DNAH12: variants seen among roughly 807,000 people sequenced by gnomAD.
The protein encoded by DNAH12 is dynein axonemal heavy chain 12.
DNAH12 carries 285 observed loss-of-function variants against 371.5 expected under a neutral mutation model. That is an observed-to-expected ratio of 0.77 (90% confidence interval 0.70 to 0.85). The LOEUF (loss-of-function observed/expected upper bound fraction) is 0.85. Among genes scored for constraint, DNAH12 ranks in the 40% least tolerant of loss-of-function variants. The probability of loss-of-function intolerance (pLI) is 0.00; values close to 1 mark genes in which losing one functional copy is unlikely to be tolerated. For synonymous variants in DNAH12, 1,200 were observed against 1,213.0 expected (o/e 0.99, Z 0.22); for missense variants, 3,611 against 3,689.4 (o/e 0.98, Z 0.55).
intron 69 of DNAH12, among the ~76,000 whole-genome samples, chr3:57,304,073 GC>G (rs1251946920): frequency 3.0e-5 from 3 of 100,530 alleles, no homozygotes; most frequent in Non-Finnish European, 6.0e-5. Context: ...ACTCCTGCCC[GC>G]CAGAGAACAA....
chr3:57,324,024 G>A (rs1309575296), intron 62 of DNAH12, among the ~76,000 whole-genome samples: 4 of 152,170 alleles, frequency 2.6e-5, no homozygotes, highest in African/African-American at 7.2e-5. Flanking sequence ...GATACAAGTA[G>A]AAATTACTTA....
chr3:57,333,328 A>ATTTTTTTTTTTTTTTTTT (rs2062147484), intron 62 of DNAH12, among the ~76,000 whole-genome samples: 1 of 97,768 alleles, frequency 1.0e-5, no homozygotes, highest in African/African-American at 5.5e-5. Flanking sequence ...TTTTAAGGCA[A>ATTTTTTTTTTTTTTTTTT]CTTTTTTTTT....
chr3:57,462,023 C>T (rs1020557536), intron 18 of DNAH12, among the ~76,000 whole-genome samples: 14 of 152,102 alleles, frequency 9.2e-5, no homozygotes, highest in Admixed American at 5.9e-4. Context: ...TTTCTGTGTA[C>T]TTCAAGAACC....
intron 62 of DNAH12, among the ~76,000 whole-genome samples, chr3:57,332,886 G>T (rs552615344): frequency 6.6e-6 from 1 of 152,122 alleles, no homozygotes; most frequent in African/African-American, 2.4e-5. Flanking sequence ...GGCCCCAGAC[G>T]GGTGGCACTT....
chr3:57,508,321 C>T (rs1041851992), intron 7 of DNAH12, 61 bp downstream of exon 7: 25 of 1,386,276 alleles, frequency 1.8e-5, no homozygotes, highest in Admixed American at 5.7e-5. Context: ...AAAAATTATA[C>T]AGTCAAAAAT....
Position 57,415,448 on chromosome 3 carries a change from C to G in DNAH12, c.5831G>C (p.Arg1944Pro), listed in dbSNP as rs373853344. ...AACCTGAACCTGATTGGCGCTGGTC[C>G]GTGCAGATAAGTTAATATAAAAAGG... ...YFPFYINLSA[R>P]TSANQVQNII... Residue 1944 changes from arginine to proline, a missense_variant, in exon 38 of 74, where the codon CGG (arginine) becomes CCG (proline). Physicochemically the swap from Arg to Pro is moderately radical, Grantham distance 103. Around this residue, in one of 3 missense-constraint regions of DNAH12, gnomAD observed 2,266 missense variants for 2,236.9 expected, o/e 1.01. Transcript: ENST00000495027. 2.1e-5 allele frequency: 33 copies of G among 1,549,826 alleles called. No homozygotes were observed. Among genetic ancestry groups the G allele is most frequent in the Non-Finnish European group, 2.6e-5 (30 of 1,146,652 alleles).
At chr3:57,373,417 G>A in intron 55 of DNAH12, among the ~76,000 whole-genome samples, 1 of 151,294 alleles carries the variant, frequency 6.6e-6, no homozygotes, top group East Asian at 1.9e-4. Context: ...CCAGGTTCAA[G>A]TGATTCTCCT....
chr3:57,540,082 C>T (rs897008014), intron 2 of DNAH12, among the ~76,000 whole-genome samples: 6 of 150,898 alleles, frequency 4.0e-5, no homozygotes, highest in African/African-American at 1.5e-4. Flanking sequence ...GATGGAGTCT[C>T]GCTCTGTTGC....
chr3:57,400,474 C>T (rs930721125), intron 43 of DNAH12, among the ~76,000 whole-genome samples: 12 of 152,258 alleles, frequency 7.9e-5, no homozygotes, highest in African/African-American at 2.9e-4. Context: ...GGGATACATT[C>T]CAAGACCCCC....
At chr3:57,367,236 A>G (rs1460378679) in intron 56 of DNAH12, among the ~76,000 whole-genome samples, 1 of 152,218 alleles carries the variant, frequency 6.6e-6, no homozygotes, top group Non-Finnish European at 1.5e-5. Flanking sequence ...TTGGAGGCTA[A>G]GGAACAAGAA....
intron 45 of DNAH12, among the ~76,000 whole-genome samples, chr3:57,391,506 A>G (rs1275475740): frequency 1.3e-5 from 2 of 152,188 alleles, no homozygotes; most frequent in African/African-American, 4.8e-5. Flanking sequence ...CCAATTCCTC[A>G]TAATAAATTT....
At chr3:57,389,203 TC>T (rs2063558450) in intron 45 of DNAH12, among the ~76,000 whole-genome samples, 1 of 148,806 alleles carries the variant, frequency 6.7e-6, no homozygotes, top group Non-Finnish European at 1.5e-5. Flanking sequence ...TTACTCTCTG[TC>T]CCCTCCATTA....
chr3:57,345,355 C>T (rs1397873116), intron 60 of DNAH12, among the ~76,000 whole-genome samples: 2 of 152,006 alleles, frequency 1.3e-5, no homozygotes, highest in East Asian at 1.9e-4. Flanking sequence ...CAAAAATTCT[C>T]GACAAAATAT....
chr3:57,298,349 G>A (rs1170706643), intron 70 of DNAH12, among the ~76,000 whole-genome samples: 1 of 152,220 alleles, frequency 6.6e-6, no homozygotes, highest in African/African-American at 2.4e-5. Context: ...TCAAAGTTGG[G>A]TGGATGTGAG....
intron 44 of DNAH12, among the ~76,000 whole-genome samples, chr3:57,393,095 A>G (rs996737674): frequency 2.6e-5 from 4 of 152,208 alleles, no homozygotes; most frequent in African/African-American, 4.8e-5. Context: ...CTGACACTAC[A>G]TAAGTGCTTT....
chr3:57,496,939 AGCCTAG>A (rs2067342982), intron 11 of DNAH12, among the ~76,000 whole-genome samples: 1 of 152,146 alleles, frequency 6.6e-6, no homozygotes, highest in Admixed American at 6.5e-5. Flanking sequence ...ATTGCACTAC[AGCCTAG>A]GCAACAAGAG....
chr3:57,430,175 ACT>A (rs1032336475), intron 32 of DNAH12, among the ~76,000 whole-genome samples: 2 of 152,040 alleles, frequency 1.3e-5, no homozygotes, highest in African/African-American at 2.4e-5. Flanking sequence ...TAGCATGCGT[ACT>A]CTTATACCCA....
Position 57,488,030 on chromosome 3 carries a change from C to T in DNAH12, c.1514+1479G>A, listed in dbSNP as rs554184618. On this transcript the variant is annotated intron_variant, in intron 12 of 73. Coordinates refer to ENST00000495027, the MANE Select transcript of DNAH12 (RefSeq NM_001366028.2). ...GTAGTATACTTTTATACAGAATATG[C>T]CTGATAAATTTGACTTCTGACTGTC... 4.1e-4 allele frequency among the ~76,000 whole-genome samples: 63 copies of T among 151,884 alleles called. 1 individual carries two copies. The South Asian group carries it at 0.011, about 28-fold the overall frequency.
At chr3:57,385,624 G>A (rs2063485181) in intron 47 of DNAH12, among the ~76,000 whole-genome samples, 195 bp from the exon 48 acceptor site, 1 of 152,240 alleles carries the variant, frequency 6.6e-6, no homozygotes, top group African/African-American at 2.4e-5. Context: ...GCTCACATCT[G>A]TAATCCTAGC....
Sources: gnomAD v4.1 joint callset for allele counts (sites outside exome capture counted in the v4.1 genomes callset) on GRCh38, gnomAD v4.1.1 for gene constraint, gnomAD v4.1.1 regional missense constraint, MANE v1.5 for transcripts, NCBI Gene and HGNC (gene_info 2026-07-23, HGNC 2026-07-21) for gene names.